HMOX1: variants seen among roughly 807,000 people sequenced by gnomAD.
HMOX1 encodes the protein heat shock protein, 32-kD.
HMOX1 carries 22 observed loss-of-function variants against 27.8 expected under a neutral mutation model. The observed-to-expected ratio is 0.79, with a 90% confidence interval of 0.57 to 1.13. The LOEUF (loss-of-function observed/expected upper bound fraction) is 1.13. HMOX1 is among the 50% of genes most tolerant of loss of function. HMOX1 has a pLI of 0.00. For synonymous variants in HMOX1, 153 were observed against 151.6 expected (o/e 1.01, Z -0.07); for missense variants, 379 against 377.7 (o/e 1.00, Z -0.03).
rs1199760869 is a variant in HMOX1 at position 35,386,726 on chromosome 22, G to C, written c.186G>C (p.Glu62Asp). 8.7e-6 allele frequency: 14 copies of C among 1,614,204 alleles called. No individual in the cohort carries two copies. The highest frequency in any genetic ancestry group is 1.7e-5 in the Admixed American group (1 of 60,026). The change falls in exon 3 of 5, where the codon GAG (glutamate) becomes GAC (aspartate). Residue 62 changes from glutamate to aspartate, a missense_variant. Physicochemically the swap from Glu to Asp is conservative, Grantham distance 45. Coordinates refer to ENST00000216117, the MANE Select transcript of HMOX1 (RefSeq NM_002133.3). ...TGTACCACATCTATGTGGCCCTGGAGGAGGAGATTGAGCGCAACAAGGAGA... is the reference window on the plus strand; with the variant it reads ...TGTACCACATCTATGTGGCCCTGGACGAGGAGATTGAGCGCAACAAGGAGA... ...ASLYHIYVAL[E>D]EEIERNKESP...
chr22:35,389,581 T>G (rs986766031), intron 3 of HMOX1, among the ~76,000 whole-genome samples: 2 of 151,512 alleles, frequency 1.3e-5, no homozygotes, highest in Non-Finnish European at 2.9e-5. Context: ...TAGCTGGGAT[T>G]ACAGGCATGC....
intron 2 of HMOX1, among the ~76,000 whole-genome samples, chr22:35,385,451 T>TTC (rs1005735727): frequency 9.3e-5 from 14 of 150,732 alleles, no homozygotes; most frequent in African/African-American, 3.2e-4. Flanking sequence ...TTTTTTTTTT[T>TTC]CTGAGACAGG....
chr22:35,393,367 G>C, intron 4 of HMOX1, 101 bp from the exon 5 acceptor site: 4 of 1,453,940 alleles, frequency 2.8e-6, no homozygotes, highest in Non-Finnish European at 3.8e-6. Flanking sequence ...GGCAGTGACT[G>C]TACCACAGAC....
In HMOX1 at chr22:35,393,621, G is replaced by A. The variant is rs2145773494; in HGVS notation, c.*23G>A. Reference sequence around the variant, plus strand: ...TGAATGCAGGCATGCTGGCTCCCAGGGCCATGAACTTTGTCCGGTGGAAGG... The same window carrying A: ...TGAATGCAGGCATGCTGGCTCCCAGAGCCATGAACTTTGTCCGGTGGAAGG... On this transcript the variant is annotated 3_prime_UTR_variant, in exon 5 of 5. Coordinates refer to ENST00000216117, the MANE Select transcript of HMOX1 (RefSeq NM_002133.3). 1.2e-6 allele frequency: 2 copies of A among 1,613,968 alleles called. No individual in the cohort carries two copies. Among genetic ancestry groups the A allele is most frequent in the Non-Finnish European group, 1.7e-6 (2 of 1,179,896 alleles).
chr22:35,383,343 G>C, intron 2 of HMOX1, 117 bp downstream of exon 2: 1 of 1,164,920 alleles, frequency 8.6e-7, no homozygotes, highest in Non-Finnish European at 1.2e-6. Flanking sequence ...ATGTCCAATA[G>C]AATCATCTTA....
intron 4 of HMOX1, among the ~76,000 whole-genome samples, chr22:35,390,850 AG>A (rs1931699079): frequency 6.6e-6 from 1 of 152,172 alleles, no homozygotes; most frequent in South Asian, 2.1e-4. Context: ...GTTGTGTGTG[AG>A]CCCCTCCCTC....
chr22:35,384,560 T>A (rs1311941984), intron 2 of HMOX1, among the ~76,000 whole-genome samples: 4 of 151,714 alleles, frequency 2.6e-5, no homozygotes, highest in African/African-American at 7.3e-5. Context: ...GAATATCCCA[T>A]CCCCAGCCAG....
intron 3 of HMOX1, among the ~76,000 whole-genome samples, chr22:35,389,474 G>A (rs117230447): frequency 0.043 from 5,731 of 134,182 alleles, 204 homozygotes; most frequent in Non-Finnish European, 0.053. Context: ...GCAGAGTCTC[G>A]CCCTGTCACC....
Position 35,393,688 on chromosome 22 carries a change from C to A in HMOX1, c.*90C>A. ...GGAATTCTCTTGGCTGGCTTCCTTA[C>A]CGTGGGCACTGAAGGCTTTCAGGGC... On this transcript the variant is annotated 3_prime_UTR_variant, in exon 5 of 5. Coordinates refer to ENST00000216117, the MANE Select transcript of HMOX1 (RefSeq NM_002133.3). The A allele has an allele frequency of 6.5e-7, 1 of 1,538,576 alleles. No homozygotes were observed. The highest frequency in any genetic ancestry group is 9.0e-7 in the Non-Finnish European group (1 of 1,113,164).
chr22:35,383,367 T>C lies in HMOX1; in HGVS notation c.144+141T>C, dbSNP rs1281785177. 6.1e-6 allele frequency: 6 copies of C among 991,050 alleles called. No homozygotes were observed. The Admixed American group carries it at 1.3e-4, about 21-fold the overall frequency. 61.4% of individuals were successfully genotyped at this position (991,050 alleles called of 1,614,324 possible). ...AGAATCATCTTAAAAATGATGACAC[T>C]GAGGCTCAGAGAGGGAAGGTGAGTT... On this transcript the variant is annotated intron_variant, in intron 2 of 4. Transcript: ENST00000216117.
Position 35,393,500 on chromosome 22 carries a change from CCCCCACTCAACA to C in HMOX1, c.773_784del (p.Pro258_Thr261del). 1 of 1,614,140 alleles carries C rather than the reference CCCCCACTCAACA, an allele frequency of 6.2e-7. No homozygotes were observed. ...CCCCGTGGAGACTCCCAGAGGGAAG[CCCCCACTCAACA>C]CCCGCTCCCAGGCTCCGCTTCTCCG... On this transcript the variant is annotated inframe_deletion, in exon 5 of 5. Coordinates refer to ENST00000216117, the MANE Select transcript of HMOX1 (RefSeq NM_002133.3).
At chr22:35,384,604 G>C (rs1211211717) in intron 2 of HMOX1, among the ~76,000 whole-genome samples, 3 of 151,930 alleles carry the variant, frequency 2.0e-5, no homozygotes, top group African/African-American at 7.3e-5. Context: ...AAGTCACAGG[G>C]TTCTAAGGAG....
intron 1 of HMOX1, among the ~76,000 whole-genome samples, chr22:35,382,734 T>A (rs11913209): frequency 0.16 from 23,488 of 150,936 alleles, 3,852 homozygotes; most frequent in African/African-American, 0.42. Context: ...AGTGGTGTGA[T>A]CTCAGCTCAC....
chr22:35,386,911 C>T lies in HMOX1; in HGVS notation c.371C>T (p.Thr124Ile), dbSNP rs1304968056. 1 of 1,613,932 alleles carries T rather than the reference C, an allele frequency of 6.2e-7. No individual in the cohort carries two copies. Among genetic ancestry groups the T allele is most frequent in the Non-Finnish European group, 8.5e-7 (1 of 1,180,000 alleles). ...AAGCGGCTCCACGAGGTGGGGCGCA[C>T]AGAGCCCGAGCTGCTGGTGGCCCAC... ...YVKRLHEVGR[T>I]EPELLVAHAY... Residue 124 changes from threonine to isoleucine, a missense_variant, in exon 3 of 5, where the codon ACA becomes ATA. Physicochemically the swap from Thr to Ile is moderately conservative, Grantham distance 89 (BLOSUM62 -1). Transcript: ENST00000216117.
Position 35,387,420 on chromosome 22 carries a change from A to G in HMOX1, c.636+244A>G, listed in dbSNP as rs2071749. Among the ~76,000 whole-genome samples the G allele has an allele frequency of 0.63, 96,378 of 152,162 alleles. 32,708 individuals are homozygous for G. Among genetic ancestry groups the G allele is most frequent in the African/African-American group, 0.9 (37,222 of 41,550 alleles). Reference sequence around the variant, plus strand: ...TCTTAGACTTATAAGGCTTGAGTGAATTTACAGCAGTAAAGTCCCCACAGC... The same window carrying G: ...TCTTAGACTTATAAGGCTTGAGTGAGTTTACAGCAGTAAAGTCCCCACAGC... On this transcript the variant is annotated intron_variant, in intron 3 of 4. Transcript: ENST00000216117.
intron 4 of HMOX1, among the ~76,000 whole-genome samples, chr22:35,391,586 CTTTT>C (rs56153278): frequency 1.1e-5 from 1 of 88,986 alleles, no homozygotes; most frequent in Non-Finnish European, 2.0e-5. Context: ...CGCGCCCGGC[CTTTT>C]TTTTTTTTTT....
At position 35,392,573 on chromosome 22, in the gene HMOX1, A is replaced by T. The variant is rs554218255; in HGVS notation, c.737-895A>T. On this transcript the variant is annotated intron_variant, in intron 4 of 4. Transcript: ENST00000216117. The stretch of plus-strand genomic sequence containing the variant: ...TAGCCCAGGGCGGGGCTAGGATTGA[A>T]ACCCAGCTGGTCTGGCTCCAGAGAC... Among the ~76,000 whole-genome samples, 5 of 152,182 alleles carry T rather than the reference A, an allele frequency of 3.3e-5. No homozygotes were observed. In the South Asian group the frequency reaches 1.0e-3, roughly 32 times the overall value.
chr22:35,382,361 T>G (rs370356781), intron 1 of HMOX1, among the ~76,000 whole-genome samples: 2 of 152,180 alleles, frequency 1.3e-5, no homozygotes, highest in African/African-American at 4.8e-5. Context: ...TTTTTGCTTT[T>G]CTTTTTTTGA....
intron 3 of HMOX1, among the ~76,000 whole-genome samples, chr22:35,388,925 C>T (rs914690235): frequency 1.3e-5 from 2 of 152,174 alleles, no homozygotes; most frequent in African/African-American, 2.4e-5. Context: ...CCATTCAGCA[C>T]ACCTCACCAA....
Sources: allele counts gnomAD v4.1 joint callset (sites outside exome capture counted in the v4.1 genomes callset), GRCh38; gene constraint gnomAD v4.1.1; transcripts MANE v1.5; gene names NCBI Gene and HGNC (gene_info 2026-07-23, HGNC 2026-07-21).